NDST4: variants seen among roughly 807,000 people sequenced by gnomAD.
The protein encoded by NDST4 is N-heparan sulfate sulfotransferase 4.
In NDST4, 63 loss-of-function variants were observed where a neutral mutation model predicts 100.8. The ratio of observed to expected loss-of-function variants is 0.62; its 90% CI spans 0.51 to 0.77. The LOEUF (loss-of-function observed/expected upper bound fraction) is 0.77. Among genes scored for constraint, NDST4 ranks in the 30% least tolerant of loss-of-function variants. The pLI, the probability that NDST4 is intolerant of heterozygous loss-of-function variation, is 0.00. For missense variants in NDST4, 943 were observed against 1,018.4 expected (o/e 0.93, Z 1.01); for synonymous variants, 377 against 361.8 (o/e 1.04, Z -0.48).
chr4:115,042,044 C>T (rs1360796368), intron 2 of NDST4, among the ~76,000 whole-genome samples: 2 of 151,956 alleles, frequency 1.3e-5, no homozygotes, highest in African/African-American at 4.8e-5. Context: ...GTATATTAGC[C>T]CCACCCTTAA....
intron 6 of NDST4, among the ~76,000 whole-genome samples, chr4:114,915,710 GC>G (rs1431361641): frequency 6.6e-6 from 1 of 152,044 alleles, no homozygotes; most frequent in Non-Finnish European, 1.5e-5. Context: ...TATTATAAAT[GC>G]CATTAAAAGT....
intron 9 of NDST4, 102 bp from the exon 10 acceptor site, chr4:114,846,099 T>G: frequency 4.7e-6 from 4 of 855,802 alleles, no homozygotes; most frequent in Non-Finnish European, 7.1e-6. Flanking sequence ...TTATAGCTAT[T>G]TCTGATTATT....
At chr4:115,025,930 ATTATGT>A (rs151201954) in intron 2 of NDST4, among the ~76,000 whole-genome samples, 2,476 of 152,148 alleles carry the variant, frequency 0.016, 62 homozygotes, top group African/African-American at 0.057. Flanking sequence ...GTTCCTTTCA[ATTATGT>A]TGTCAGTTGG....
intron 6 of NDST4, among the ~76,000 whole-genome samples, chr4:114,873,930 G>A (rs1406918150): frequency 6.6e-6 from 1 of 152,056 alleles, no homozygotes; most frequent in Admixed American, 6.6e-5. Flanking sequence ...TTGTAAATTT[G>A]TATTGTGCTA....
chr4:115,102,802 G>T lies in NDST4; in HGVS notation c.-247+10642C>A, dbSNP rs563051428. Among the ~76,000 whole-genome samples, 4 of 130,678 alleles carry T rather than the reference G, an allele frequency of 3.1e-5. No individual in the cohort carries two copies. In the East Asian group the frequency reaches 9.9e-4, roughly 32 times the overall value. The allele number at this position is 130,678 out of a possible 152,430, so 85.7% of individuals were successfully genotyped here. ...CAGTTCATTGCAACCTCCACCTCCC[G>T]GGTTCAAGCGATTCTTTTGCCTCAG... On this transcript the variant is annotated intron_variant, in intron 1 of 13. Coordinates refer to ENST00000264363, the MANE Select transcript of NDST4 (RefSeq NM_022569.3).
chr4:115,022,738 T>C (rs975343811), intron 2 of NDST4, among the ~76,000 whole-genome samples: 4 of 152,046 alleles, frequency 2.6e-5, no homozygotes, highest in African/African-American at 9.7e-5. Flanking sequence ...GATTGAATTA[T>C]GAGGGCGGGT....
At chr4:114,897,470 A>G (rs976026111) in intron 6 of NDST4, among the ~76,000 whole-genome samples, 14 of 152,160 alleles carry the variant, frequency 9.2e-5, no homozygotes, top group African/African-American at 3.4e-4. Flanking sequence ...ATATTTCACT[A>G]TCCACCTATT....
chr4:114,917,679 T>C (rs1214928007), intron 6 of NDST4, among the ~76,000 whole-genome samples: 2 of 151,952 alleles, frequency 1.3e-5, no homozygotes, highest in Non-Finnish European at 2.9e-5. Flanking sequence ...AATAAAAGCA[T>C]AAAAACACAG....
intron 3 of NDST4, among the ~76,000 whole-genome samples, chr4:114,972,796 A>T (rs1405573192): frequency 6.6e-6 from 1 of 152,062 alleles, no homozygotes; most frequent in Non-Finnish European, 1.5e-5. Context: ...GGCAGGAAGC[A>T]CATAATGCAC....
At chr4:114,997,938 A>C (rs890507928) in intron 2 of NDST4, among the ~76,000 whole-genome samples, 2 of 152,104 alleles carry the variant, frequency 1.3e-5, no homozygotes, top group South Asian at 2.1e-4. Flanking sequence ...ATTTGTTGGA[A>C]ATGACAGGCT....
chr4:114,977,415 C>T (rs913195512), intron 2 of NDST4, 141 bp from the exon 3 acceptor site: 8 of 468,950 alleles, frequency 1.7e-5, no homozygotes, highest in African/African-American at 1.0e-4. Context: ...ATGTAGTATT[C>T]GTATTTCAGG....
At chr4:115,077,776 G>T (rs1014857722) in intron 1 of NDST4, among the ~76,000 whole-genome samples, 11 of 152,146 alleles carry the variant, frequency 7.2e-5, no homozygotes, top group African/African-American at 2.7e-4. Context: ...GTAGTTACAA[G>T]TTTTTCTCTT....
chr4:115,059,961 C>T lies in NDST4; in HGVS notation c.978+16098G>A, dbSNP rs567532427. Among the ~76,000 whole-genome samples the T allele has an allele frequency of 8.5e-5, 13 of 152,050 alleles. No individual in the cohort carries two copies. The East Asian group carries it at 2.5e-3, about 29-fold the overall frequency. ...CTTGAGGATTATTCCCACTAAACCT[C>T]TGCAACCCTGTTATTTTTAAATGTT... On this transcript the variant is annotated intron_variant, in intron 2 of 13. Coordinates refer to ENST00000264363, the MANE Select transcript of NDST4 (RefSeq NM_022569.3).
intron 2 of NDST4, among the ~76,000 whole-genome samples, chr4:114,982,556 T>C (rs1310220560): frequency 3.9e-5 from 6 of 152,100 alleles, no homozygotes; most frequent in Non-Finnish European, 8.8e-5. Flanking sequence ...CCTAACTCAT[T>C]TGCATAAAGA....
At chr4:115,014,007 C>A (rs1357609901) in intron 2 of NDST4, among the ~76,000 whole-genome samples, 2 of 151,980 alleles carry the variant, frequency 1.3e-5, no homozygotes, top group Non-Finnish European at 2.9e-5. Flanking sequence ...AGTGGATTAC[C>A]CTAAGCCTAC....
chr4:114,920,590 A>G (rs1460118061), intron 6 of NDST4, among the ~76,000 whole-genome samples: 2 of 152,158 alleles, frequency 1.3e-5, no homozygotes, highest in African/African-American at 4.8e-5. Context: ...CATGCTTGGA[A>G]TCTTATCTTT....
chr4:115,047,336 T>C (rs1578480530), intron 2 of NDST4, among the ~76,000 whole-genome samples: 1 of 152,218 alleles, frequency 6.6e-6, no homozygotes, highest in South Asian at 2.1e-4. Flanking sequence ...ACAATATTGT[T>C]GATAAATACT....
At chr4:114,864,126 G>T (rs187195754) in intron 7 of NDST4, among the ~76,000 whole-genome samples, 8 of 151,952 alleles carry the variant, frequency 5.3e-5, no homozygotes, top group South Asian at 4.2e-4. Context: ...TCCTTCACTG[G>T]CAAGGACACC....
intron 2 of NDST4, among the ~76,000 whole-genome samples, chr4:115,046,412 G>C (rs1483351145): frequency 6.6e-6 from 1 of 152,102 alleles, no homozygotes; most frequent in African/African-American, 2.4e-5. Flanking sequence ...TGTATTCATG[G>C]CAGTCTTTCT....
Sources: allele counts gnomAD v4.1 joint callset (sites outside exome capture counted in the v4.1 genomes callset), GRCh38; gene constraint gnomAD v4.1.1; transcripts MANE v1.5; gene names NCBI Gene and HGNC (gene_info 2026-07-23, HGNC 2026-07-21).